The following ZGRF1 variants were observed in gnomAD, a reference collection of about 807,000 sequenced individuals.
ZGRF1 encodes zinc finger GRF-type containing 1.
ZGRF1 carries 196 observed loss-of-function variants against 203.5 expected under a neutral mutation model. The ratio of observed to expected loss-of-function variants is 0.96; its 90% confidence interval spans 0.86 to 1.08. ZGRF1 has a LOEUF of 1.08. Ranked by LOEUF, ZGRF1 falls within the 50% of genes least tolerant of loss-of-function variation. The pLI, the probability that ZGRF1 is intolerant of heterozygous loss-of-function variation, is 0.00. For synonymous variants in ZGRF1, 809 were observed against 841.3 expected (o/e 0.96, Z 0.66); for missense variants, 2,326 against 2,416.3 (o/e 0.96, Z 0.78).
At chr4:112,605,765 T>C (rs1750676489) in intron 9 of ZGRF1, 1 of 440,700 alleles carries the variant, frequency 2.3e-6, no homozygotes, top group Non-Finnish European at 4.0e-6. Flanking sequence ...GAGTATCCTA[T>C]GTACGGAAGG....
At chr4:112,561,113 G>A (rs1181550622) in intron 18 of ZGRF1, 118 bp from the exon 19 acceptor site, 1 of 761,326 alleles carries the variant, frequency 1.3e-6, no homozygotes, top group African/African-American at 1.8e-5. Flanking sequence ...GTTTTTTATG[G>A]AAATAAACAG....
intron 24 of ZGRF1, among the ~76,000 whole-genome samples, chr4:112,544,398 T>C (rs1738322601): frequency 6.6e-6 from 1 of 152,190 alleles, no homozygotes; most frequent in African/African-American, 2.4e-5. Flanking sequence ...AGAAACAAGA[T>C]TCTGGGGTGG....
intron 10 of ZGRF1, among the ~76,000 whole-genome samples, chr4:112,590,714 T>C (rs1041604146): frequency 3.3e-5 from 5 of 151,824 alleles, no homozygotes; most frequent in African/African-American, 1.2e-4. Context: ...TCACCTGAGG[T>C]CAGGAGTTCG....
At chr4:112,560,580 T>C (rs1741768749) in intron 19 of ZGRF1, among the ~76,000 whole-genome samples, 153 bp downstream of exon 19, 1 of 152,254 alleles carries the variant, frequency 6.6e-6, no homozygotes, top group Admixed American at 6.5e-5. Context: ...TCTGTTCTCA[T>C]CTAACAGTTT....
Position 112,587,883 on chromosome 4 carries a change from A to C in ZGRF1, c.3174T>G (p.Leu1058=), listed in dbSNP as rs746031865. 6.1e-5 allele frequency: 94 copies of C among 1,547,218 alleles called. 2 individuals carry two copies. Among genetic ancestry groups the C allele is most frequent in the South Asian group, 5.2e-4 (43 of 82,686 alleles). The change falls in exon 12 of 28, where the codon CTT becomes CTG. Residue 1058 remains leucine, a synonymous_variant. Transcript: ENST00000505019. ...RSLENENLQR[L]SLLSRTQVPL... The stretch of plus-strand genomic sequence containing the variant: ...GAACCTGGGTTCTACTTAATAATGA[A>C]AGCCTTTGAAGGTTCTCATTCTCCA...
rs773193156 is a variant in ZGRF1, at chr4:112,558,328, GA to G, written c.4961-20del. 2.7e-6 allele frequency: 4 copies of G among 1,473,854 alleles called. No individual in the cohort carries two copies. The highest frequency in any genetic ancestry group is 2.7e-5 in the Admixed American group (1 of 36,844). The allele number at this position is 1,473,854 out of a possible 1,614,324, so 91.3% of individuals were successfully genotyped here. On this transcript the variant is annotated intron_variant, in intron 19 of 27. Coordinates refer to ENST00000505019, the MANE Select transcript of ZGRF1 (RefSeq NM_018392.5). ...AACACACCTAATTATTTTAAAAGAA[GA>G]AAAAAATAAAAAGCATAAAATAAAT...
chr4:112,569,968 G>A (rs1050038999), intron 16 of ZGRF1, among the ~76,000 whole-genome samples: 3 of 152,086 alleles, frequency 2.0e-5, no homozygotes, highest in Admixed American at 6.6e-5. Context: ...GATGATGTAA[G>A]TTTACCCTGA....
intron 22 of ZGRF1, among the ~76,000 whole-genome samples, chr4:112,549,687 CATA>C (rs1226735216): frequency 6.6e-6 from 1 of 152,074 alleles, no homozygotes; most frequent in Admixed American, 6.5e-5. Context: ...ACGTACAGTT[CATA>C]ATACTTGATA....
intron 22 of ZGRF1, among the ~76,000 whole-genome samples, chr4:112,551,760 C>A (rs1279157006): frequency 6.6e-6 from 1 of 152,014 alleles, no homozygotes; most frequent in African/African-American, 2.4e-5. Context: ...AATGAGAACT[C>A]TAAAGTTATG....
intron 7 of ZGRF1, among the ~76,000 whole-genome samples, chr4:112,611,975 T>A (rs928109201): frequency 3.9e-5 from 6 of 152,028 alleles, no homozygotes; most frequent in Non-Finnish European, 8.8e-5. Flanking sequence ...GTTTTGTTTT[T>A]TTTTTTTGAG....
chr4:112,614,121 GCA>G (rs1379024831), intron 6 of ZGRF1, among the ~76,000 whole-genome samples: 1 of 151,632 alleles, frequency 6.6e-6, no homozygotes, highest in African/African-American at 2.4e-5. Context: ...TAACACTTTC[GCA>G]CATTCTAAAT....
In ZGRF1 at chr4:112,618,768, T is replaced by C. The variant is rs146962765; in HGVS notation, c.1274A>G (p.Asp425Gly). The C allele has an allele frequency of 3.0e-5, 48 of 1,611,486 alleles. No homozygotes were observed. The highest frequency in any genetic ancestry group is 1.5e-4 in the Admixed American group (9 of 59,970). The change falls in exon 6 of 28, where the codon GAT (aspartate) becomes GGT (glycine). Residue 425 changes from aspartate to glycine, a missense_variant. Transcript: ENST00000505019. The stretch of plus-strand genomic sequence containing the variant: ...AATGTCAGATTCTGATAATATACCA[T>C]CATTTTCTGCACTGCTACAAGTAAC... ...LQVTCSSAEN[D>G]GILSESDIQE...
intron 3 of ZGRF1, among the ~76,000 whole-genome samples, chr4:112,630,929 G>C (rs2047390240): frequency 6.6e-6 from 1 of 151,726 alleles, no homozygotes. Flanking sequence ...AGAATGGTTA[G>C]GACATGGGCC....
chr4:112,628,630 A>G (rs1313989334), intron 3 of ZGRF1: 2 of 456,168 alleles, frequency 4.4e-6, no homozygotes, highest in Non-Finnish European at 8.8e-6. Flanking sequence ...CCTGGAACAT[A>G]GAAACTTTCA....
intron 15 of ZGRF1, among the ~76,000 whole-genome samples, chr4:112,583,569 G>T (rs1488182036): frequency 6.6e-6 from 1 of 152,136 alleles, no homozygotes; most frequent in East Asian, 1.9e-4. Context: ...ACTTTGGGAG[G>T]GTGAGATGGG....
intron 1 of ZGRF1, among the ~76,000 whole-genome samples, chr4:112,636,132 T>C (rs1181718106): frequency 6.6e-6 from 1 of 152,228 alleles, no homozygotes; most frequent in Non-Finnish European, 1.5e-5. Flanking sequence ...TTCCAAGTGT[T>C]CATCTGTCCA....
intron 16 of ZGRF1, chr4:112,565,188 C>G: frequency 1.3e-6 from 2 of 1,540,844 alleles, no homozygotes; most frequent in Non-Finnish European, 1.8e-6. Context: ...GCTAACTTCC[C>G]TTCCAGCGTC....
In ZGRF1 at chr4:112,580,358, T is replaced by C. The variant is rs1193715403; in HGVS notation, c.4438+1305A>G. 5.6e-5 allele frequency among the ~76,000 whole-genome samples: 8 copies of C among 142,612 alleles called. 1 individual carries two copies. Among genetic ancestry groups the C allele is most frequent in the Admixed American group, 1.5e-4 (2 of 13,628 alleles). The allele number at this position is 142,612 out of a possible 152,430, so 93.6% of individuals were successfully genotyped here. The stretch of plus-strand genomic sequence containing the variant: ...AACCTAGGCAATACCATTCAGGACA[T>C]AGGCATGGGCAAGGACTTCATGTCT... On this transcript the variant is annotated intron_variant, in intron 16 of 27. Coordinates refer to ENST00000505019, the MANE Select transcript of ZGRF1 (RefSeq NM_018392.5).
Position 112,633,216 on chromosome 4 carries a change from T to C in ZGRF1, c.-40A>G, listed in dbSNP as rs752648545. On this transcript the variant is annotated 5_prime_UTR_variant, in exon 2 of 28. Coordinates refer to ENST00000505019, the MANE Select transcript of ZGRF1 (RefSeq NM_018392.5). ...TTATAAACCAGCTGGGTCCAGAAAA[T>C]AGGAAATATTCAACTATTTATACCA... 5 of 1,554,780 alleles carry C rather than the reference T, an allele frequency of 3.2e-6. No homozygotes were observed. The African/African-American group carries it at 6.8e-5, about 21-fold the overall frequency.
Sources: gnomAD v4.1 joint callset for allele counts (sites outside exome capture counted in the v4.1 genomes callset) on GRCh38, gnomAD v4.1.1 for gene constraint, MANE v1.5 for transcripts, NCBI Gene and HGNC (gene_info 2026-07-23, HGNC 2026-07-21) for gene names.